CNTNAP2: variants seen among roughly 807,000 people sequenced by gnomAD.
The protein encoded by CNTNAP2 is contactin-associated protein-like 2.
A neutral mutation model predicts 155.2 loss-of-function variants in CNTNAP2; 98 were observed. That is an observed-to-expected ratio of 0.63 (90% CI 0.54 to 0.75). The LOEUF is 0.75. Ranked by LOEUF, CNTNAP2 falls within the 30% of genes least tolerant of loss-of-function variation. CNTNAP2 has a pLI of 0.00. For missense variants in CNTNAP2, 1,727 were observed against 1,688.1 expected, an observed-to-expected ratio of 1.02 and a Z score of -0.40; for synonymous variants, 651 against 631.2, an observed-to-expected ratio of 1.03 and a Z score of -0.47.
chr7:146,385,636 G>C, intron 1 of CNTNAP2, among the ~76,000 whole-genome samples: 1 of 152,160 alleles, frequency 6.6e-6, no homozygotes, highest in Non-Finnish European at 1.5e-5. Flanking sequence ...TTTATAATTA[G>C]GGATACTCTT....
intron 18 of CNTNAP2, among the ~76,000 whole-genome samples, chr7:148,185,896 T>C (rs537620831): frequency 2.0e-5 from 3 of 152,348 alleles, no homozygotes; most frequent in South Asian, 2.1e-4. Flanking sequence ...TTAACTAAGT[T>C]AAAATGTTAT....
intron 12 of CNTNAP2, among the ~76,000 whole-genome samples, chr7:147,566,963 A>C (rs1334224647): frequency 6.6e-6 from 1 of 152,190 alleles, no homozygotes; most frequent in Non-Finnish European, 1.5e-5. Context: ...ATCCTAGAGA[A>C]TGACAGAAAG....
At chr7:147,734,100 C>T (rs1045229736) in intron 13 of CNTNAP2, among the ~76,000 whole-genome samples, 2 of 152,110 alleles carry the variant, frequency 1.3e-5, no homozygotes, top group East Asian at 1.9e-4. Flanking sequence ...TGCCTGTTTT[C>T]GAAGGGAATG....
intron 1 of CNTNAP2, among the ~76,000 whole-genome samples, chr7:146,146,070 G>T (rs1450657252): frequency 6.6e-6 from 1 of 152,144 alleles, no homozygotes; most frequent in South Asian, 2.1e-4. Context: ...GATATCAGCA[G>T]ATTAATGATG....
At position 148,415,595 on chromosome 7, in the gene CNTNAP2, C is replaced by A; in HGVS notation, c.3975C>A (p.Ser1325Arg). 4 of 1,614,028 alleles carry A rather than the reference C, an allele frequency of 2.5e-6. No homozygotes were observed. Among genetic ancestry groups the A allele is most frequent in the Non-Finnish European group, 3.4e-6 (4 of 1,179,978 alleles). Residue 1325 changes from serine (S) to arginine (R), a missense_variant, in exon 24 of 24, where the codon AGC becomes AGA. Ser to Arg is a moderately radical substitution (Grantham distance 110). Transcript: ENST00000361727. ...ACTTCACAGAGACCATTGATGAAAGCAAAAAGGAATGGCTCATTTGAGGGG... is the reference window on the plus strand; with the variant it reads ...ACTTCACAGAGACCATTGATGAAAGAAAAAAGGAATGGCTCATTTGAGGGG... ...DPNFTETIDE[S>R]KKEWLI
intron 1 of CNTNAP2, among the ~76,000 whole-genome samples, chr7:146,632,129 T>C (rs1261311177): frequency 6.6e-6 from 1 of 152,168 alleles, no homozygotes; most frequent in East Asian, 1.9e-4. Context: ...TTTAGTTTCA[T>C]CAAATGAAAA....
chr7:146,632,170 G>A (rs1166636818), intron 1 of CNTNAP2, among the ~76,000 whole-genome samples: 3 of 152,056 alleles, frequency 2.0e-5, no homozygotes, highest in African/African-American at 7.2e-5. Context: ...GAGGAGGAAT[G>A]GGTTTGACTG....
intron 15 of CNTNAP2, among the ~76,000 whole-genome samples, chr7:148,066,512 G>C (rs2116521448): frequency 6.7e-6 from 1 of 149,694 alleles, no homozygotes; most frequent in Middle Eastern, 3.4e-3. Flanking sequence ...TTTTTTTTTA[G>C]TTTGAGATGG....
chr7:147,463,389 T>C (rs763581037), intron 10 of CNTNAP2, among the ~76,000 whole-genome samples: 10 of 152,216 alleles, frequency 6.6e-5, no homozygotes, highest in Non-Finnish European at 1.3e-4. Context: ...TTAAACTGTT[T>C]TCTTCAACTC....
At chr7:148,062,266 G>A (rs1210301740) in intron 15 of CNTNAP2, among the ~76,000 whole-genome samples, 2 of 151,952 alleles carry the variant, frequency 1.3e-5, no homozygotes, top group Non-Finnish European at 2.9e-5. Context: ...ATAATAGCAG[G>A]TAACAAAGAC....
intron 3 of CNTNAP2, among the ~76,000 whole-genome samples, chr7:146,952,656 C>T (rs913599142): frequency 6.6e-6 from 1 of 152,226 alleles, no homozygotes; most frequent in Admixed American, 6.5e-5. Flanking sequence ...AGAGCCAAAT[C>T]ATGAGTGAAC....
At position 146,481,394 on chromosome 7, in the gene CNTNAP2, A is replaced by G. The variant is rs117069057; in HGVS notation, c.98-292877A>G. Among the ~76,000 whole-genome samples the G allele has an allele frequency of 3.0e-3, 450 of 152,334 alleles. 2 individuals are homozygous for G. The highest frequency in any genetic ancestry group is 4.5e-3 in the Non-Finnish European group (306 of 68,032). On this transcript the variant is annotated intron_variant, in intron 1 of 23. Transcript: ENST00000361727. ...GGAGTTTAATGCCATGTCAATCACT[A>G]TGTGACCTTTTGCAAGTTACTCACT...
chr7:147,461,817 TCTTAA>T (rs1203798719), intron 10 of CNTNAP2, among the ~76,000 whole-genome samples: 2 of 152,334 alleles, frequency 1.3e-5, no homozygotes, highest in African/African-American at 4.8e-5. Flanking sequence ...AGTCTTGATT[TCTTAA>T]CTTAAAACTA....
rs559304399 is a variant in CNTNAP2 at position 147,467,169 on chromosome 7, C to T, written c.1671-18766C>T. On this transcript the variant is annotated intron_variant, in intron 10 of 23. Transcript: ENST00000361727. ...ATGATGCTTATCTAAGGGGATGTTT[C>T]AGTTTGATTTCAGGGCTGTAAAAAA... 7.1e-3 allele frequency among the ~76,000 whole-genome samples: 1,077 copies of T among 152,144 alleles called. 14 individuals are homozygous for T. The highest frequency in any genetic ancestry group is 0.024 in the African/African-American group (1,012 of 41,522).
intron 13 of CNTNAP2, among the ~76,000 whole-genome samples, chr7:147,732,045 T>TA (rs200099770): frequency 0.011 from 1,712 of 152,180 alleles, 95 homozygotes; most frequent in Admixed American, 0.087. Context: ...TTTCTTTTTT[T>TA]TTATTATTAT....
chr7:147,560,997 A>G (rs565313520), intron 11 of CNTNAP2, among the ~76,000 whole-genome samples: 10 of 151,818 alleles, frequency 6.6e-5, no homozygotes, highest in African/African-American at 2.4e-4. Context: ...GACTGGAGAA[A>G]CAAGTTTTTC....
At chr7:148,160,161 G>A (rs6942678) in intron 17 of CNTNAP2, among the ~76,000 whole-genome samples, 1 of 152,022 alleles carries the variant, frequency 6.6e-6, no homozygotes, top group African/African-American at 2.4e-5. Flanking sequence ...GATCGCCTGA[G>A]CCCAGGAGGT....
chr7:146,150,386 G>T (rs1307610395), intron 1 of CNTNAP2, among the ~76,000 whole-genome samples: 1 of 151,956 alleles, frequency 6.6e-6, no homozygotes, highest in Non-Finnish European at 1.5e-5. Flanking sequence ...TGACACATCA[G>T]TTTCACTTCT....
At chr7:147,266,419 T>A (rs2116695789) in intron 8 of CNTNAP2, among the ~76,000 whole-genome samples, 1 of 152,334 alleles carries the variant, frequency 6.6e-6, no homozygotes, top group South Asian at 2.1e-4. Context: ...TATCTCCCTT[T>A]GTGGTGTATC....
Sources: allele counts gnomAD v4.1 joint callset (sites outside exome capture counted in the v4.1 genomes callset), GRCh38; gene constraint gnomAD v4.1.1; transcripts MANE v1.5; gene names NCBI Gene and HGNC (gene_info 2026-07-23, HGNC 2026-07-21).